The following TOX variants were observed in gnomAD, a reference collection of about 807,000 sequenced individuals.
The protein encoded by TOX is thymocyte selection-associated high mobility group box protein TOX.
In TOX, 11 loss-of-function variants were observed where a neutral mutation model predicts 53.7. That is an observed-to-expected ratio of 0.20 (90% CI 0.13 to 0.34). The LOEUF is 0.34. TOX is among the 10% of genes least tolerant of loss of function. TOX has a pLI of 1.00. For synonymous variants in TOX, 225 were observed against 245.3 expected, an observed-to-expected ratio of 0.92 and a Z score of 0.77; for missense variants, 570 against 664.6, an observed-to-expected ratio of 0.86 and a Z score of 1.56.
At chr8:58,870,483 A>G (rs1392649063) in intron 3 of TOX, among the ~76,000 whole-genome samples, 1 of 152,182 alleles carries the variant, frequency 6.6e-6, no homozygotes, top group African/African-American at 2.4e-5. Flanking sequence ...GATAGAGTCA[A>G]TGCAATCTCA....
chr8:58,972,214 T>A (rs1228155013), intron 1 of TOX, among the ~76,000 whole-genome samples: 1 of 152,208 alleles, frequency 6.6e-6, no homozygotes, highest in African/African-American at 2.4e-5. Context: ...GCACAAAATA[T>A]TTTTCTCTTG....
intron 1 of TOX, among the ~76,000 whole-genome samples, chr8:59,085,013 A>C (rs1466341409): frequency 6.6e-6 from 1 of 152,230 alleles, no homozygotes. Context: ...ATCATGCCAA[A>C]TAATAAGAGA....
At chr8:58,988,027 T>C (rs898986774) in intron 1 of TOX, among the ~76,000 whole-genome samples, 5 of 152,188 alleles carry the variant, frequency 3.3e-5, no homozygotes, top group African/African-American at 1.2e-4. Flanking sequence ...AGTGAGTCCA[T>C]TACCATTTTG....
At chr8:58,961,509 C>A (rs1375149249) in intron 1 of TOX, among the ~76,000 whole-genome samples, 1 of 151,372 alleles carries the variant, frequency 6.6e-6, no homozygotes, top group East Asian at 1.9e-4. Context: ...CCCCAGGTTG[C>A]TTTTCCATTG....
intron 2 of TOX, among the ~76,000 whole-genome samples, chr8:58,952,300 G>C (rs1444374848): frequency 6.6e-6 from 1 of 152,164 alleles, no homozygotes; most frequent in East Asian, 1.9e-4. Flanking sequence ...AATGGAACTA[G>C]CATAGACAGG....
At chr8:59,048,137 C>G (rs187802658) in intron 1 of TOX, among the ~76,000 whole-genome samples, 1 of 152,230 alleles carries the variant, frequency 6.6e-6, no homozygotes, top group African/African-American at 2.4e-5. Flanking sequence ...GGCCATGATC[C>G]CAAAGGCCCC....
chr8:58,942,791 T>C (rs1393860134), intron 2 of TOX, among the ~76,000 whole-genome samples: 1 of 152,226 alleles, frequency 6.6e-6, no homozygotes, highest in African/African-American at 2.4e-5. Context: ...ATATTTTCCC[T>C]ATTCCCTCCT....
chr8:59,084,247 T>A (rs1274492467), intron 1 of TOX, among the ~76,000 whole-genome samples: 1 of 152,064 alleles, frequency 6.6e-6, no homozygotes. Context: ...ATCTTTATTA[T>A]CAAACTATAA....
intron 3 of TOX, among the ~76,000 whole-genome samples, chr8:58,870,460 TCTTAA>T (rs1243720841): frequency 1.3e-5 from 2 of 152,182 alleles, no homozygotes; most frequent in East Asian, 3.8e-4. Flanking sequence ...AGATGTCAGT[TCTTAA>T]CTTAATCGAT....
intron 1 of TOX, among the ~76,000 whole-genome samples, chr8:58,985,928 G>A (rs940438092): frequency 6.6e-6 from 1 of 152,116 alleles, no homozygotes; most frequent in South Asian, 2.1e-4. Context: ...ACTTGCAAGA[G>A]CACCAAGGGC....
chr8:59,033,584 T>C (rs145398087), intron 1 of TOX, among the ~76,000 whole-genome samples: 198 of 152,340 alleles, frequency 1.3e-3, no homozygotes, highest in African/African-American at 4.5e-3. Context: ...CAGTCGCCAC[T>C]ATTACAAGAA....
At chr8:58,859,689 C>T (rs1395175550) in intron 3 of TOX, among the ~76,000 whole-genome samples, 1 of 152,158 alleles carries the variant, frequency 6.6e-6, no homozygotes. Context: ...CATTACCTGA[C>T]CATCTCACTC....
chr8:58,974,554 T>C (rs917319758), intron 1 of TOX, among the ~76,000 whole-genome samples: 3 of 152,140 alleles, frequency 2.0e-5, no homozygotes, highest in African/African-American at 7.2e-5. Context: ...GGTGTTTAGG[T>C]GTGGTGTTCA....
intron 7 of TOX, among the ~76,000 whole-genome samples, chr8:58,812,664 G>C (rs1257894146): frequency 2.6e-5 from 4 of 152,022 alleles, no homozygotes; most frequent in African/African-American, 9.7e-5. Flanking sequence ...TTCGTTATTT[G>C]TTTATCATAT....
chr8:58,855,364 A>G (rs1810896868), intron 3 of TOX, among the ~76,000 whole-genome samples: 1 of 152,176 alleles, frequency 6.6e-6, no homozygotes, highest in Non-Finnish European at 1.5e-5. Context: ...ATGTGAACAA[A>G]GTTTTCTTTC....
rs1810376647 is a variant in TOX at position 58,826,974 on chromosome 8, A to G, written c.925-72T>C. Reference sequence around the variant, plus strand: ...TGTTTTCAGAGAAGTACAATATAGAATGATAACTGCACACACAAACACACT... The same window carrying G: ...TGTTTTCAGAGAAGTACAATATAGAGTGATAACTGCACACACAAACACACT... On this transcript the variant is annotated intron_variant, in intron 5 of 8. Transcript: ENST00000361421. The G allele has an allele frequency of 3.5e-6, 4 of 1,150,420 alleles. No individual in the cohort carries two copies. The Admixed American group carries it at 6.7e-5, about 19-fold the overall frequency. 71.3% of individuals were successfully genotyped at this position (1,150,420 alleles called of 1,614,324 possible).
At chr8:59,051,613 T>C (rs911299686) in intron 1 of TOX, among the ~76,000 whole-genome samples, 1 of 152,096 alleles carries the variant, frequency 6.6e-6, no homozygotes, top group African/African-American at 2.4e-5. Context: ...CAAATGTCCT[T>C]GTAAATATCC....
intron 1 of TOX, among the ~76,000 whole-genome samples, chr8:59,054,914 G>GAGAAAGAA (rs1201814363): frequency 2.6e-5 from 3 of 113,888 alleles, no homozygotes; most frequent in African/African-American, 8.8e-5. Context: ...AAGAAAGAAA[G>GAGAAAGAA]AGAAAGAAAG....
At chr8:58,915,456 C>A (rs1326916438) in intron 3 of TOX, among the ~76,000 whole-genome samples, 3 of 107,962 alleles carry the variant, frequency 2.8e-5, no homozygotes, top group Non-Finnish European at 5.7e-5. Context: ...ACACCTCACA[C>A]GGCAGGGTAT....
Sources: allele counts gnomAD v4.1 joint callset (sites outside exome capture counted in the v4.1 genomes callset), GRCh38; gene constraint gnomAD v4.1.1; transcripts MANE v1.5; gene names NCBI Gene and HGNC (gene_info 2026-07-23, HGNC 2026-07-21).